PHAX: variants seen among roughly 807,000 people sequenced by gnomAD.
PHAX encodes phosphorylated adapter RNA export protein.
In PHAX, 31 loss-of-function variants were observed where a neutral mutation model predicts 41.6. The ratio of observed to expected loss-of-function variants is 0.75; its 90% CI spans 0.56 to 1.01. The LOEUF is 1.01. Ranked by LOEUF, PHAX falls within the 50% of genes least tolerant of loss-of-function variation. The pLI, the probability that PHAX is intolerant of heterozygous loss-of-function variation, is 0.00. For synonymous variants in PHAX, 175 were observed against 164.9 expected (o/e 1.06, Z -0.47); for missense variants, 453 against 472.9 (o/e 0.96, Z 0.39).
intron 3 of PHAX, among the ~76,000 whole-genome samples, chr5:126,614,368 G>A (rs78725385): frequency 0.016 from 2,490 of 152,076 alleles, 56 homozygotes; most frequent in East Asian, 0.05. Context: ...CAAAGTGTTG[G>A]GTATAATACC....
chr5:126,625,093 G>A lies in PHAX; in HGVS notation c.*249G>A. On this transcript the variant is annotated 3_prime_UTR_variant, in exon 5 of 5. Transcript: ENST00000297540. ...AATCTGTTGCATGTGCTAATTATGA[G>A]TATTACTAGTTGATAATCAGTTTTG... 1 of 422,996 alleles carries A rather than the reference G, an allele frequency of 2.4e-6. No individual in the cohort carries two copies. The highest frequency in any genetic ancestry group is 4.2e-6 in the Non-Finnish European group (1 of 239,666). 26.2% of individuals were successfully genotyped at this position (422,996 alleles called of 1,614,324 possible).
At chr5:126,608,883 G>A (rs116752466) in intron 3 of PHAX, among the ~76,000 whole-genome samples, 4,670 of 150,876 alleles carry the variant, frequency 0.031, 218 homozygotes, top group African/African-American at 0.1. Flanking sequence ...GTTTCAGTGA[G>A]CTGAGATCGC....
intron 2 of PHAX, among the ~76,000 whole-genome samples, chr5:126,605,166 ATT>A (rs879878122): frequency 2.8e-5 from 4 of 143,424 alleles, no homozygotes; most frequent in Non-Finnish European, 3.1e-5. Flanking sequence ...CTGTCCACAG[ATT>A]TTTTTTTTTT....
At chr5:126,619,758 G>A (rs1177437890) in intron 4 of PHAX, among the ~76,000 whole-genome samples, 1 of 152,022 alleles carries the variant, frequency 6.6e-6, no homozygotes, top group African/African-American at 2.4e-5. Context: ...ATCTTTTACG[G>A]ACATTCTTCT....
At chr5:126,612,008 G>T (rs1046054673) in intron 3 of PHAX, among the ~76,000 whole-genome samples, 1 of 151,854 alleles carries the variant, frequency 6.6e-6, no homozygotes, top group African/African-American at 2.4e-5. Flanking sequence ...GAAGTGAAGG[G>T]TGCCCAGCAA....
Position 126,626,158 on chromosome 5 carries a change from T to C in PHAX, c.*1314T>C, listed in dbSNP as rs1752346173. On this transcript the variant is annotated 3_prime_UTR_variant, in exon 5 of 5. Coordinates refer to ENST00000297540, the MANE Select transcript of PHAX (RefSeq NM_032177.4). ...ACTTTGGGAGGCCAAGAGAGGAAGA[T>C]TGCTTGAGCCCAGGAGTTTGAGACC... is the stretch of plus-strand genomic sequence containing the variant. 6.6e-6 allele frequency: 1 copy of C among 151,928 alleles called. No individual in the cohort carries two copies. The highest frequency in any genetic ancestry group is 2.4e-5 in the African/African-American group (1 of 41,296). 9.4% of individuals were successfully genotyped at this position (151,928 alleles called of 1,614,324 possible). A position where few individuals can be genotyped will look rare whatever the true frequency, so the allele number is the denominator to read the frequency against.
intron 3 of PHAX, among the ~76,000 whole-genome samples, chr5:126,611,306 G>A (rs999763964): frequency 1.3e-5 from 2 of 151,502 alleles, no homozygotes; most frequent in Non-Finnish European, 2.9e-5. Context: ...TGCCGGCCTC[G>A]GCCTCCCAAA....
chr5:126,622,111 G>A (rs576531229), intron 4 of PHAX, among the ~76,000 whole-genome samples: 48 of 151,890 alleles, frequency 3.2e-4, no homozygotes, highest in South Asian at 1.7e-3. Flanking sequence ...CCGCCACCAC[G>A]CCTGGCTAAT....
intron 2 of PHAX, among the ~76,000 whole-genome samples, chr5:126,607,551 G>T (rs1418761659): frequency 2.0e-5 from 3 of 151,998 alleles, no homozygotes; most frequent in African/African-American, 7.3e-5. Flanking sequence ...TTATAGGCAT[G>T]TGCCACCACA....
chr5:126,618,245 A>T (rs1029768506), intron 4 of PHAX, among the ~76,000 whole-genome samples: 1 of 152,032 alleles, frequency 6.6e-6, no homozygotes, highest in Admixed American at 6.6e-5. Context: ...TGGCCTATAC[A>T]GTCTTTTCCT....
At chr5:126,617,774 C>G (rs1463137946) in intron 4 of PHAX, among the ~76,000 whole-genome samples, 1 of 152,210 alleles carries the variant, frequency 6.6e-6, no homozygotes, top group Non-Finnish European at 1.5e-5. Context: ...GCCAGTGCTC[C>G]CAGCCAGCCT....
intron 3 of PHAX, among the ~76,000 whole-genome samples, chr5:126,610,660 GC>G (rs1193176350): frequency 6.6e-6 from 1 of 152,212 alleles, no homozygotes; most frequent in East Asian, 1.9e-4. Context: ...GTGAGCTAAT[GC>G]AGATTTACTG....
chr5:126,617,972 G>A (rs114798060), intron 4 of PHAX, among the ~76,000 whole-genome samples: 1 of 151,970 alleles, frequency 6.6e-6, no homozygotes, highest in East Asian at 1.9e-4. Context: ...TTGAGACAGG[G>A]TCTAAGGACC....
chr5:126,614,080 G>A (rs1461701309), intron 3 of PHAX, among the ~76,000 whole-genome samples: 1 of 151,324 alleles, frequency 6.6e-6, no homozygotes, highest in Admixed American at 6.6e-5. Flanking sequence ...TCTTTTAACC[G>A]CATGTTTTTG....
chr5:126,621,021 C>A (rs1197643971), intron 4 of PHAX, among the ~76,000 whole-genome samples: 2 of 152,102 alleles, frequency 1.3e-5, no homozygotes, highest in Non-Finnish European at 2.9e-5. Flanking sequence ...CAGGAGTGAG[C>A]CACTGCGCCT....
intron 3 of PHAX, among the ~76,000 whole-genome samples, chr5:126,615,940 A>G (rs1299070113): frequency 2.6e-5 from 4 of 152,018 alleles, no homozygotes; most frequent in African/African-American, 9.7e-5. Context: ...TATTATATAT[A>G]TACATTTAAA....
intron 3 of PHAX, among the ~76,000 whole-genome samples, chr5:126,616,047 CTT>C (rs35245075): frequency 6.5e-5 from 8 of 123,734 alleles, no homozygotes; most frequent in Admixed American, 8.6e-5. Flanking sequence ...CAACCACCAA[CTT>C]TTTTTTTTTT....
At position 126,603,618 on chromosome 5, in the gene PHAX, A is replaced by G; in HGVS notation, c.145A>G (p.Thr49Ala). The change falls in exon 2 of 5, where the codon ACT (threonine) becomes GCT (alanine). Residue 49 changes from threonine (T) to alanine (A), a missense_variant. Thr to Ala is a moderately conservative substitution (Grantham distance 58, BLOSUM62 0). Transcript: ENST00000297540. ...SAMRAFQNTA[T>A]ACAPVSHYRA... ...TATGAGGGCCTTCCAGAACACGGCA[A>G]CTGCATGTGCACCAGTATCACATTA... 1 of 1,614,112 alleles carries G rather than the reference A, an allele frequency of 6.2e-7. No individual in the cohort carries two copies. Among genetic ancestry groups the G allele is most frequent in the Non-Finnish European group, 8.5e-7 (1 of 1,179,938 alleles).
At chr5:126,616,806 G>A (rs986234737) in intron 3 of PHAX, among the ~76,000 whole-genome samples, 8 of 151,512 alleles carry the variant, frequency 5.3e-5, no homozygotes, top group African/African-American at 1.5e-4. Context: ...CTTGAACCCC[G>A]GAGGGCAGAG....
Sources: allele counts gnomAD v4.1 joint callset (sites outside exome capture counted in the v4.1 genomes callset), GRCh38; gene constraint gnomAD v4.1.1; transcripts MANE v1.5; gene names NCBI Gene and HGNC (gene_info 2026-07-23, HGNC 2026-07-21).